The following OR8G5 variants were observed in gnomAD, a reference collection of about 807,000 sequenced individuals.
OR8G5 encodes the protein olfactory receptor family 8 subfamily G member 5, also known as olfactory receptor 8G5.
For missense variants in OR8G5, 347 were observed against 371.9 expected, an observed-to-expected ratio of 0.93 and a Z score of 0.55; for synonymous variants, 147 against 147.7, an observed-to-expected ratio of 1.00 and a Z score of 0.03.
rs185803179 is a variant in OR8G5 at position 124,259,113 on chromosome 11, C to A, written c.-15+2479C>A. On this transcript the variant is annotated intron_variant, in intron 1 of 1. Coordinates refer to ENST00000641992, the MANE Select transcript of OR8G5 (RefSeq NM_001005198.2). ...CATTTTAATTTGTTTCAACTCTGTTCTCAAACCTGGATGATCATCATCATT... is the reference window on the plus strand; with the variant it reads ...CATTTTAATTTGTTTCAACTCTGTTATCAAACCTGGATGATCATCATCATT... Among the ~76,000 whole-genome samples the A allele has an allele frequency of 3.2e-3, 492 of 152,210 alleles. 2 individuals carry two copies. The highest frequency in any genetic ancestry group is 0.011 in the African/African-American group (473 of 41,542).
chr11:124,262,144 AAT>A (rs774822280), intron 1 of OR8G5, among the ~76,000 whole-genome samples: 6 of 114,514 alleles, frequency 5.2e-5, no homozygotes, highest in Non-Finnish European at 1.0e-4. Flanking sequence ...ATAAAAATAA[AAT>A]AAATTATTAG....
intron 1 of OR8G5, among the ~76,000 whole-genome samples, chr11:124,260,334 A>G (rs1158304808): frequency 1.3e-5 from 2 of 151,950 alleles, no homozygotes; most frequent in Non-Finnish European, 2.9e-5. Context: ...ACCCAAATGT[A>G]ATGTGTTCTC....
intron 1 of OR8G5, among the ~76,000 whole-genome samples, chr11:124,263,998 T>C (rs1204325718): frequency 6.6e-6 from 1 of 152,164 alleles, no homozygotes; most frequent in Admixed American, 6.5e-5. Flanking sequence ...AAGGAAATAC[T>C]GAGGTAGTAA....
chr11:124,263,355 T>TTTTA, intron 1 of OR8G5, among the ~76,000 whole-genome samples: 1 of 152,130 alleles, frequency 6.6e-6, no homozygotes, highest in East Asian at 1.9e-4. Context: ...AAATATTTTA[T>TTTTA]TTTTTATTAT....
At chr11:124,261,615 C>T (rs1341682699) in intron 1 of OR8G5, among the ~76,000 whole-genome samples, 1 of 151,782 alleles carries the variant, frequency 6.6e-6, no homozygotes. Context: ...AGCTACTAAC[C>T]GTTAGAACAT....
intron 1 of OR8G5, among the ~76,000 whole-genome samples, chr11:124,257,564 A>G (rs746096629): frequency 4.6e-5 from 7 of 152,126 alleles, no homozygotes; most frequent in Non-Finnish European, 8.8e-5. Context: ...GTGGAAATGC[A>G]TGGGGACACA....
chr11:124,265,573 C>T lies in OR8G5; in HGVS notation c.642C>T (p.Ile214=), dbSNP rs771113874. 1.4e-5 allele frequency: 23 copies of T among 1,613,788 alleles called. No homozygotes were observed. Among genetic ancestry groups the T allele is most frequent in the East Asian group, 1.3e-4 (6 of 44,892 alleles). The change falls in exon 2 of 2, where the codon ATC becomes ATT. Residue 214 remains isoleucine (I), a synonymous_variant. Coordinates refer to ENST00000641992, the MANE Select transcript of OR8G5 (RefSeq NM_001005198.2). ...ACATCCTTGTCCCCAGCCTGACCAT[C>T]CTCAGCTCTTACATCTTCATCATTG... The part of the protein sequence containing the change: ...GINILVPSLT[I]LSSYIFIIAS...
Position 124,265,974 on chromosome 11 carries a change from T to TG in OR8G5, c.*113dup. ...GCATCTGTCAACATTCTTTCTAATT[T>TG]GGGGGGATTTTACTGACGTTATGTC... On this transcript the variant is annotated 3_prime_UTR_variant, in exon 2 of 2. Coordinates refer to ENST00000641992, the MANE Select transcript of OR8G5 (RefSeq NM_001005198.2). The TG allele has an allele frequency of 7.3e-7, 1 of 1,373,780 alleles. No homozygotes were observed. The highest frequency in any genetic ancestry group is 9.7e-7 in the Non-Finnish European group (1 of 1,032,526). 85.1% of individuals were successfully genotyped at this position (1,373,780 alleles called of 1,614,324 possible). A position where few individuals can be genotyped will look rare whatever the true frequency, so the allele number is the denominator to read the frequency against.
At chr11:124,261,319 A>C (rs921604561) in intron 1 of OR8G5, among the ~76,000 whole-genome samples, 4 of 151,894 alleles carry the variant, frequency 2.6e-5, no homozygotes, top group Non-Finnish European at 5.9e-5. Context: ...ATTTCACATG[A>C]TATTCTTTTT....
At chr11:124,257,240 C>T (rs1344737237) in intron 1 of OR8G5, among the ~76,000 whole-genome samples, 2 of 152,100 alleles carry the variant, frequency 1.3e-5, no homozygotes, top group African/African-American at 2.4e-5. Flanking sequence ...GATCGTCATG[C>T]TGTGGTTAAA....
chr11:124,261,011 A>G (rs1215481292), intron 1 of OR8G5, among the ~76,000 whole-genome samples: 4 of 39,986 alleles, frequency 1.0e-4, no homozygotes, highest in African/African-American at 2.0e-4. Context: ...AGTGACTGTC[A>G]TTCTACTCTA....
chr11:124,262,983 T>C (rs1254017779), intron 1 of OR8G5, among the ~76,000 whole-genome samples: 1 of 150,840 alleles, frequency 6.6e-6, no homozygotes, highest in African/African-American at 2.4e-5. Flanking sequence ...CTTGATATAT[T>C]CAGGTGTTTT....
chr11:124,260,664 AATCTC>A (rs1209671515), intron 1 of OR8G5, among the ~76,000 whole-genome samples: 151 of 148,020 alleles, frequency 1.0e-3, no homozygotes, highest in Admixed American at 6.1e-4. Context: ...AGATATGGTA[AATCTC>A]TTCTCTTATT....
At position 124,265,406 on chromosome 11, in the gene OR8G5, C is replaced by T. The variant is rs748985450; in HGVS notation, c.475C>T (p.His159Tyr). ...AATAGGCCTGATTTGTGCGTCAGCT[C>T]ATATAGGCTGTATGTTTAGGGTTCA... Reference protein sequence around the residue: ...YVIGLICASAHIGCMFRVQFC... With the variant: ...YVIGLICASAYIGCMFRVQFC... The change falls in exon 2 of 2, where the codon CAT becomes TAT. Residue 159 changes from histidine to tyrosine, a missense_variant. Coordinates refer to ENST00000641992, the MANE Select transcript of OR8G5 (RefSeq NM_001005198.2). 2 of 1,613,972 alleles carry T rather than the reference C, an allele frequency of 1.2e-6. No homozygotes were observed. The highest frequency in any genetic ancestry group is 1.1e-5 in the South Asian group (1 of 91,080).
chr11:124,257,365 C>CA (rs1234840368), intron 1 of OR8G5, among the ~76,000 whole-genome samples: 1 of 151,842 alleles, frequency 6.6e-6, no homozygotes, highest in Non-Finnish European at 1.5e-5. Flanking sequence ...AAAAGGCATA[C>CA]AAAATTTATT....
chr11:124,261,241 G>A (rs1486341628), intron 1 of OR8G5, among the ~76,000 whole-genome samples: 3 of 151,584 alleles, frequency 2.0e-5, no homozygotes, highest in East Asian at 3.9e-4. Flanking sequence ...TTACTTAAAA[G>A]TTTTAACCTA....
At chr11:124,257,972 G>C (rs1225591836) in intron 1 of OR8G5, among the ~76,000 whole-genome samples, 1 of 152,024 alleles carries the variant, frequency 6.6e-6, no homozygotes, top group African/African-American at 2.4e-5. Context: ...TCTCTTAGGA[G>C]AGTCCTTCCT....
Position 124,265,441 on chromosome 11 carries a change from A to G in OR8G5, c.510A>G (p.Lys170=). 6.2e-7 allele frequency: 1 copy of G among 1,614,036 alleles called. No homozygotes were observed. The highest frequency in any genetic ancestry group is 1.1e-5 in the South Asian group (1 of 91,088). ...GTATGTTTAGGGTTCAATTCTGCAA[A>G]TTTGATGTGATCAACCATTATTTCT... ...IGCMFRVQFC[K]FDVINHYFCD... is the part of the protein sequence containing the mutation. The change falls in exon 2 of 2, where the codon AAA becomes AAG. Residue 170 remains lysine, a synonymous_variant. Coordinates refer to ENST00000641992, the MANE Select transcript of OR8G5 (RefSeq NM_001005198.2).
intron 1 of OR8G5, among the ~76,000 whole-genome samples, chr11:124,258,588 AAT>A (rs1274265322): frequency 2.0e-5 from 3 of 151,282 alleles, no homozygotes; most frequent in African/African-American, 4.9e-5. Flanking sequence ...TAATAATAAT[AAT>A]AAAAAAGACA....
Sources: gnomAD v4.1 joint callset for allele counts (sites outside exome capture counted in the v4.1 genomes callset) on GRCh38, gnomAD v4.1.1 for gene constraint, MANE v1.5 for transcripts, NCBI Gene and HGNC (gene_info 2026-07-23, HGNC 2026-07-21) for gene names.